MCTP2: variants seen among roughly 807,000 people sequenced by gnomAD.
The protein encoded by MCTP2 is multiple C2 and transmembrane domain containing 2.
In MCTP2, 132 loss-of-function variants were observed where a neutral mutation model predicts 111.6. The ratio of observed to expected loss-of-function variants is 1.18; its 90% CI spans 1.03 to 1.37. The LOEUF (loss-of-function observed/expected upper bound fraction) is 1.37, where lower values mean the gene tolerates loss of function less well. Ranked by LOEUF, MCTP2 falls within the 40% of genes most tolerant of loss-of-function variation. The pLI, the probability that MCTP2 is intolerant of heterozygous loss-of-function variation, is 0.00. For missense variants in MCTP2, 1,183 were observed against 1,067.9 expected (o/e 1.11, Z -1.50); for synonymous variants, 395 against 387.7 (o/e 1.02, Z -0.22).
intron 2 of MCTP2, 79 bp downstream of exon 2, chr15:94,298,809 T>A: frequency 1.4e-6 from 1 of 694,902 alleles, no homozygotes; most frequent in Non-Finnish European, 2.1e-6. Context: ...TCTCTCCCCA[T>A]CTCCCTCTCT....
At chr15:94,314,801 T>G (rs1283317099) in intron 3 of MCTP2, 7 of 454,768 alleles carry the variant, frequency 1.5e-5, no homozygotes, top group South Asian at 9.4e-5. Context: ...AGACTTGAAT[T>G]CTACAATATG....
chr15:94,468,703 C>T (rs571885203), intron 20 of MCTP2, among the ~76,000 whole-genome samples: 5 of 152,192 alleles, frequency 3.3e-5, no homozygotes, highest in South Asian at 2.1e-4. Context: ...GATGCAATCT[C>T]GGCTCAATGC....
chr15:94,362,143 G>A (rs374415279), intron 10 of MCTP2, among the ~76,000 whole-genome samples: 62 of 152,208 alleles, frequency 4.1e-4, no homozygotes, highest in African/African-American at 1.4e-3. Flanking sequence ...TTGTTCATGG[G>A]CAAAACAAGC....
At chr15:94,360,071 A>G (rs2078841336) in intron 10 of MCTP2, among the ~76,000 whole-genome samples, 1 of 152,166 alleles carries the variant, frequency 6.6e-6, no homozygotes, top group Non-Finnish European at 1.5e-5. Context: ...ACATGCACAC[A>G]CAGCATCCCT....
rs1311538855 is a variant in MCTP2, at chr15:94,390,096, A to ACG, written c.1788+4571_1788+4572insCG. Among the ~76,000 whole-genome samples, 38 of 13,432 alleles carry ACG rather than the reference A, an allele frequency of 2.8e-3. 1 individual carries two copies. The highest frequency in any genetic ancestry group is 5.1e-3 in the African/African-American group (33 of 6,514). The allele number at this position is 13,432 out of a possible 152,430, so 8.8% of individuals were successfully genotyped here. On this transcript the variant is annotated intron_variant, in intron 14 of 22. Coordinates refer to ENST00000357742, the MANE Select transcript of MCTP2 (RefSeq NM_001385001.1). Reference sequence around the variant, plus strand: ...TATATATATATATATATATGTATATATATATATATATATATATGTATATAT... The same window carrying ACG: ...TATATATATATATATATATGTATATACGTATATATATATATATATGTATATAT...
rs569954629 is a variant in MCTP2, at chr15:94,324,380, T to A, written c.637+8743T>A. 3.9e-5 allele frequency among the ~76,000 whole-genome samples: 6 copies of A among 152,380 alleles called. No homozygotes were observed. In the East Asian group the frequency reaches 1.2e-3, roughly 29 times the overall value. ...GCTGTAGTAGTTTACCACTGTGGGC[T>A]GAGGGAATACTGTGTTGCTGGTGCC... On this transcript the variant is annotated intron_variant, in intron 4 of 22. Transcript: ENST00000357742.
At chr15:94,332,603 G>A (rs145828792) in intron 4 of MCTP2, among the ~76,000 whole-genome samples, 5 of 152,220 alleles carry the variant, frequency 3.3e-5, no homozygotes, top group Admixed American at 6.5e-5. Flanking sequence ...TCAGATATTC[G>A]AAAATGTGAA....
chr15:94,461,408 C>T (rs751447624), intron 20 of MCTP2, among the ~76,000 whole-genome samples: 4 of 152,044 alleles, frequency 2.6e-5, no homozygotes, highest in Non-Finnish European at 4.4e-5. Flanking sequence ...TGCAGTGAGC[C>T]GAGATGGCAC....
intron 21 of MCTP2, among the ~76,000 whole-genome samples, chr15:94,475,492 A>C (rs925344498): frequency 6.6e-6 from 1 of 152,156 alleles, no homozygotes. Context: ...AAAAAAATCA[A>C]ACCCTTTGTG....
At chr15:94,239,221 A>G (rs1037777958) in intron 1 of MCTP2, among the ~76,000 whole-genome samples, 7 of 152,220 alleles carry the variant, frequency 4.6e-5, no homozygotes, top group Non-Finnish European at 1.5e-5. Context: ...TTGGACTACA[A>G]TAACCATTAT....
At chr15:94,461,324 G>A (rs570179063) in intron 20 of MCTP2, among the ~76,000 whole-genome samples, 3 of 152,168 alleles carry the variant, frequency 2.0e-5, no homozygotes, top group African/African-American at 7.2e-5. Flanking sequence ...GCCGAGCATG[G>A]TGGCACATGC....
chr15:94,291,079 CTT>C (rs2075008665), intron 1 of MCTP2, among the ~76,000 whole-genome samples: 1 of 152,182 alleles, frequency 6.6e-6, no homozygotes, highest in African/African-American at 2.4e-5. Flanking sequence ...CATATACAGT[CTT>C]TTCAAATGCA....
At chr15:94,241,542 C>G (rs1260098038) in intron 1 of MCTP2, among the ~76,000 whole-genome samples, 1 of 152,066 alleles carries the variant, frequency 6.6e-6, no homozygotes, top group Non-Finnish European at 1.5e-5. Flanking sequence ...AGCTGACTGA[C>G]TTAGTACTTA....
At chr15:94,426,143 A>AGATT (rs2082880472) in intron 17 of MCTP2, among the ~76,000 whole-genome samples, 8 of 6,808 alleles carry the variant, frequency 1.2e-3, no homozygotes, top group Non-Finnish European at 1.8e-3. Flanking sequence ...AGAGAGATTG[A>AGATT]GAGAGAGAGA....
At chr15:94,276,787 A>C (rs1015812697) in intron 1 of MCTP2, among the ~76,000 whole-genome samples, 5 of 151,244 alleles carry the variant, frequency 3.3e-5, no homozygotes, top group Admixed American at 1.3e-4. Context: ...GCAGGAAAAA[A>C]ATCTTTTGGC....
At chr15:94,261,754 T>A (rs945677937) in intron 1 of MCTP2, among the ~76,000 whole-genome samples, 6 of 152,230 alleles carry the variant, frequency 3.9e-5, no homozygotes, top group African/African-American at 1.4e-4. Context: ...ATAGTTTTTT[T>A]CTAACCATGT....
At chr15:94,414,289 A>G (rs1035774764) in intron 17 of MCTP2, among the ~76,000 whole-genome samples, 1 of 152,190 alleles carries the variant, frequency 6.6e-6, no homozygotes, top group Non-Finnish European at 1.5e-5. Flanking sequence ...GAAGAGGCAG[A>G]AAAAGAAAGA....
chr15:94,465,579 A>C (rs1014512608), intron 20 of MCTP2, among the ~76,000 whole-genome samples: 1 of 151,966 alleles, frequency 6.6e-6, no homozygotes, highest in South Asian at 2.1e-4. Context: ...CTACAGTCTC[A>C]CCTTTCTTTT....
At chr15:94,336,900 G>T (rs74559662) in intron 4 of MCTP2, among the ~76,000 whole-genome samples, 3,342 of 152,110 alleles carry the variant, frequency 0.022, 49 homozygotes, top group Non-Finnish European at 0.036. Context: ...GACGGCCCCA[G>T]AATGGAGGCA....
Sources: allele counts gnomAD v4.1 joint callset (sites outside exome capture counted in the v4.1 genomes callset), GRCh38; gene constraint gnomAD v4.1.1; transcripts MANE v1.5; gene names NCBI Gene and HGNC (gene_info 2026-07-23, HGNC 2026-07-21).